VPS51: variants seen among roughly 807,000 people sequenced by gnomAD.
The protein encoded by VPS51 is vacuolar protein sorting-associated protein 51 homolog.
A neutral mutation model predicts 65.1 loss-of-function variants in VPS51; 55 were observed. The observed-to-expected ratio is 0.84, with a 90% CI of 0.68 to 1.06. VPS51 has a LOEUF of 1.06. Ranked by LOEUF, VPS51 falls within the 50% of genes least tolerant of loss-of-function variation. The probability of loss-of-function intolerance (pLI) is 0.00; values close to 1 mark genes in which losing one functional copy is unlikely to be tolerated. For synonymous variants in VPS51, 473 were observed against 489.5 expected (o/e 0.97, Z 0.44); for missense variants, 943 against 1,101.6 (o/e 0.86, Z 2.04).
In VPS51 at chr11:65,096,228, G is replaced by A. The variant is rs767125286; in HGVS notation, c.-23G>A. ...CCGTCCCCTTCCTTTCCAGCCTCAC[G>A]CCCGTGGGCTGCAGTTGGAACGATG... On this transcript the variant is annotated 5_prime_UTR_variant, in exon 1 of 10. Transcript: ENST00000279281. 2.6e-5 allele frequency: 40 copies of A among 1,524,778 alleles called. No individual in the cohort carries two copies. In the South Asian group the frequency reaches 4.8e-4, roughly 18 times the overall value. The allele number at this position is 1,524,778 out of a possible 1,614,324, so 94.5% of individuals were successfully genotyped here. A position where few individuals can be genotyped will look rare whatever the true frequency, so the allele number is the denominator to read the frequency against.
intron 2 of VPS51, 181 bp downstream of exon 2, chr11:65,097,308 C>T (rs757007158): frequency 2.8e-5 from 26 of 922,498 alleles, no homozygotes; most frequent in Admixed American, 5.5e-5. Flanking sequence ...GAGATAATAG[C>T]TACTCTCAGA....
At chr11:65,096,845 A>T in intron 1 of VPS51, 153 bp from the exon 2 acceptor site, 1 of 1,185,982 alleles carries the variant, frequency 8.4e-7, no homozygotes, top group Admixed American at 2.4e-5. Flanking sequence ...TAGGCCACTT[A>T]GGGCCCCCTG....
At position 65,108,220 on chromosome 11, in the gene VPS51, A is replaced by C; in HGVS notation, c.749A>C (p.Glu250Ala). The C allele has an allele frequency of 1.2e-6, 2 of 1,600,060 alleles. No individual in the cohort carries two copies. The highest frequency in any genetic ancestry group is 1.7e-6 in the Non-Finnish European group (2 of 1,175,728). Residue 250 changes from glutamate (E) to alanine (A), a missense_variant, in exon 5 of 10, where the codon GAG (glutamate) becomes GCG (alanine). Physicochemically the swap from Glu to Ala is moderately radical, Grantham distance 107 (BLOSUM62 -1). This residue lies in a region of VPS51 where 855 missense variants were observed against 953.7 expected (regional missense o/e 0.90). Transcript: ENST00000279281. ...AGGGAGGGCGGCTCAGGCGCCCCGG[A>C]GCAGGCAGAGTGCGTGGAGCTGCTG... ...RFREGGSGAP[E>A]QAECVELLLA...
chr11:65,107,603 C>G lies in VPS51; in HGVS notation c.381C>G (p.Asn127Lys), dbSNP rs755676326. 3 of 1,595,312 alleles carry G rather than the reference C, an allele frequency of 1.9e-6. No individual in the cohort carries two copies. The South Asian group carries it at 3.3e-5, about 18-fold the overall frequency. ...SATDTIRKMK[N>K]DFRKMEDEMD... ...TAGACACCATCCGGAAGATGAAGAA[C>G]GATTTCCGGAAGATGGAGGATGAGA... The change falls in exon 3 of 10, where the codon AAC (asparagine) becomes AAG (lysine). Residue 127 changes from asparagine (N) to lysine (K), a missense_variant. Physicochemically the swap from Asn to Lys is moderately conservative, Grantham distance 94 (BLOSUM62 0). This residue lies in a region of VPS51 where 855 missense variants were observed against 953.7 expected (regional missense o/e 0.90). Transcript: ENST00000279281. This position sits in a 1 kb window ranked among gnomAD's most constrained non-coding sequence, Gnocchi z 4.0.
In VPS51 at chr11:65,109,713, CCCAGTGACG is replaced by C. The variant is rs1462172369; in HGVS notation, c.1671_1679del (p.Thr559_Val561del). Reference sequence around the variant, plus strand: ...CTGCCTCCTTGGCTCAGGATCAGTTCCCAGTGACGCCCGTGAGCACGCTGTGTGCAGAGG... The same window carrying C: ...CTGCCTCCTTGGCTCAGGATCAGTTCCCCGTGAGCACGCTGTGTGCAGAGG... On this transcript the variant is annotated inframe_deletion, in exon 7 of 10. Coordinates refer to ENST00000279281, the MANE Select transcript of VPS51 (RefSeq NM_013265.4). The C allele has an allele frequency of 1.9e-6, 3 of 1,568,670 alleles. No individual in the cohort carries two copies. In the African/African-American group the frequency reaches 4.0e-5, roughly 21 times the overall value.
Position 65,109,397 on chromosome 11 carries a change from C to T in VPS51, c.1561C>T (p.Pro521Ser). The change falls in exon 6 of 10, where the codon CCT becomes TCT. Residue 521 changes from proline (P) to serine (S), a missense_variant. By Grantham distance (74) the Pro-to-Ser change is moderately conservative (BLOSUM62 -1). This residue lies in a region of VPS51 where 855 missense variants were observed against 953.7 expected (regional missense o/e 0.90). Coordinates refer to ENST00000279281, the MANE Select transcript of VPS51 (RefSeq NM_013265.4). ...TGGGGAGAAGGGGGGTGCCACACCA[C>T]CTGCCCTGCTCCTGCTGCTCTCCCG... ...SPGEKGGATP[P>S]ALLLLLSRLC... 1 of 1,611,934 alleles carries T rather than the reference C, an allele frequency of 6.2e-7. No homozygotes were observed. The highest frequency in any genetic ancestry group is 8.5e-7 in the Non-Finnish European group (1 of 1,180,016).
intron 2 of VPS51, among the ~76,000 whole-genome samples, chr11:65,098,168 A>G (rs1443059898): frequency 2.0e-5 from 3 of 151,918 alleles, no homozygotes; most frequent in Non-Finnish European, 4.4e-5. Context: ...GCAGCAGAGC[A>G]AGACTCTGTC....
chr11:65,098,467 G>T (rs573992083), intron 2 of VPS51, among the ~76,000 whole-genome samples: 1 of 152,032 alleles, frequency 6.6e-6, no homozygotes, highest in Non-Finnish European at 1.5e-5. Flanking sequence ...GTGCTGTTTT[G>T]AGGAGATGTA....
intron 2 of VPS51, among the ~76,000 whole-genome samples, chr11:65,101,066 C>T (rs1302161895): frequency 6.6e-6 from 1 of 152,106 alleles, no homozygotes; most frequent in African/African-American, 2.4e-5. Flanking sequence ...AGCGAATAGA[C>T]AAATCCATAG....
Position 65,111,778 on chromosome 11 carries a change from G to A in VPS51, c.*191G>A. The A allele has an allele frequency of 9.0e-7, 1 of 1,109,658 alleles. No individual in the cohort carries two copies. The highest frequency in any genetic ancestry group is 1.2e-6 in the Non-Finnish European group (1 of 802,416). The allele number at this position is 1,109,658 out of a possible 1,614,324, so 68.7% of individuals were successfully genotyped here. A position where few individuals can be genotyped will look rare whatever the true frequency, so the allele number is the denominator to read the frequency against. ...CTGAGGCTTCTGAGGCGCCCGCGTC[G>A]GGTCCGCCCCCGAGCGCCGATTGGC... On this transcript the variant is annotated 3_prime_UTR_variant, in exon 10 of 10. Transcript: ENST00000279281.
At chr11:65,102,232 G>A (rs901588355) in intron 2 of VPS51, among the ~76,000 whole-genome samples, 2 of 152,094 alleles carry the variant, frequency 1.3e-5, no homozygotes, top group African/African-American at 4.8e-5. Flanking sequence ...TGGTCAGGCA[G>A]GTGACCTCAG....
At position 65,107,693 on chromosome 11, in the gene VPS51, G is replaced by A; in HGVS notation, c.471G>A (p.Leu157=). Residue 157 remains leucine, a synonymous_variant, in exon 3 of 10, where the codon CTG becomes CTA. Transcript: ENST00000279281. The surrounding 1 kb of genome is among the most constrained non-coding windows in gnomAD (Gnocchi z 4.0). ...TCAGCGCTCGCATCAGCGCCACGCT[G>A]CAGGACCGCCACGAGCGCATCACCA... ...TDFSARISAT[L]QDRHERITKL... 1 of 1,610,018 alleles carries A rather than the reference G, an allele frequency of 6.2e-7. No homozygotes were observed. Among genetic ancestry groups the A allele is most frequent in the Non-Finnish European group, 8.5e-7 (1 of 1,177,736 alleles).
intron 1 of VPS51, chr11:65,096,782 G>A (rs1367822155): frequency 5.4e-6 from 4 of 744,884 alleles, no homozygotes; most frequent in Admixed American, 5.8e-5. Flanking sequence ...CGAGCCCCAG[G>A]ATTTCAAATG....
intron 2 of VPS51, among the ~76,000 whole-genome samples, chr11:65,101,762 CAAAAAAAA>C (rs1165429983): frequency 5.7e-4 from 15 of 26,346 alleles, no homozygotes; most frequent in East Asian, 1.4e-3. Context: ...GACCTTGTCT[CAAAAAAAA>C]AAAAAAAAAA....
In VPS51 at chr11:65,111,430, A is replaced by T. The variant is rs773794586; in HGVS notation, c.2192A>T (p.Asp731Val). Residue 731 changes from aspartate to valine, a missense_variant, in exon 10 of 10, where the codon GAC (aspartate) becomes GTC (valine). By Grantham distance (152) the Asp-to-Val change is radical. Around this residue, in one of 2 missense-constraint regions of VPS51, gnomAD observed 88 missense variants for 147.8 expected, o/e 0.60. Transcript: ENST00000279281. ...TTCGGGCTGCAGCAGGTGCAAGTGG[A>T]CTGCCACTTTCTGCAGCTCTACCTG... is the stretch of plus-strand genomic sequence containing the variant. ...GRFGLQQVQV[D>V]CHFLQLYLWR... 38 of 1,613,690 alleles carry T rather than the reference A, an allele frequency of 2.4e-5. No individual in the cohort carries two copies. The highest frequency in any genetic ancestry group is 3.0e-5 in the Non-Finnish European group (35 of 1,180,050).
intron 6 of VPS51, 71 bp from the exon 7 acceptor site, chr11:65,109,634 C>G: frequency 1.3e-6 from 2 of 1,515,506 alleles, no homozygotes; most frequent in Non-Finnish European, 1.8e-6. Context: ...GTGCCCAGCT[C>G]CTGGTTGGCA....
chr11:65,110,111 C>T (rs1947882175), intron 7 of VPS51, 188 bp downstream of exon 7: 1 of 691,940 alleles, frequency 1.4e-6, no homozygotes, highest in Non-Finnish European at 2.4e-6. Context: ...AACAAGTCTC[C>T]AAGGATGAAG....
chr11:65,096,503 G>T, intron 1 of VPS51, 25 bp downstream of exon 1: 1 of 1,180,756 alleles, frequency 8.5e-7, no homozygotes, highest in East Asian at 2.7e-5. Context: ...GGAGTGGGGG[G>T]GTGCGGGGAG....
intron 2 of VPS51, among the ~76,000 whole-genome samples, chr11:65,104,732 A>T (rs1227220078): frequency 6.6e-6 from 1 of 152,160 alleles, no homozygotes; most frequent in African/African-American, 2.4e-5. Flanking sequence ...TTATGTTTTC[A>T]TAACAGTGTT....
Sources: allele counts gnomAD v4.1 joint callset (sites outside exome capture counted in the v4.1 genomes callset), GRCh38; gene constraint gnomAD v4.1.1; regional missense constraint gnomAD v4.1.1; non-coding constraint Gnocchi (gnomAD v3.1); transcripts MANE v1.5; gene names NCBI Gene and HGNC (gene_info 2026-07-23, HGNC 2026-07-21).